The following PDE8A variants were observed in gnomAD, a reference collection of about 807,000 sequenced individuals.
The protein encoded by PDE8A is phosphodiesterase 8A.
A neutral mutation model predicts 105.0 loss-of-function variants in PDE8A; 59 were observed. That is an observed-to-expected ratio of 0.56 (90% CI 0.46 to 0.70). PDE8A has a LOEUF of 0.70. Ranked by LOEUF, PDE8A falls within the 30% of genes least tolerant of loss-of-function variation. The pLI is 0.00. For missense variants in PDE8A, 1,014 were observed against 1,045.9 expected (o/e 0.97, Z 0.42); for synonymous variants, 355 against 371.9 (o/e 0.95, Z 0.52).
At chr15:85,012,919 A>G (rs999117930) in intron 1 of PDE8A, among the ~76,000 whole-genome samples, 13 of 152,196 alleles carry the variant, frequency 8.5e-5, no homozygotes, top group Admixed American at 2.6e-4. Flanking sequence ...CTTACTTTGG[A>G]AACAAAAGAG....
chr15:85,134,001 T>TG (rs2082366091), intron 20 of PDE8A, among the ~76,000 whole-genome samples: 1 of 151,966 alleles, frequency 6.6e-6, no homozygotes, highest in African/African-American at 2.4e-5. Context: ...GCCTTGCAGG[T>TG]GGGGTCACAG....
In PDE8A at chr15:85,089,428, T is replaced by C. The variant is rs889861408; in HGVS notation, c.714+12T>C. 79 of 1,450,174 alleles carry C rather than the reference T, an allele frequency of 5.4e-5. No homozygotes were observed. The highest frequency in any genetic ancestry group is 7.3e-5 in the Non-Finnish European group (76 of 1,041,206). The allele number at this position is 1,450,174 out of a possible 1,614,324, so 89.8% of individuals were successfully genotyped here. A position where few individuals can be genotyped will look rare whatever the true frequency, so the allele number is the denominator to read the frequency against. Reference sequence around the variant, plus strand: ...ACCGTTTTATACAGGTTTGTTATTTTGGAAATCTGTCTTTCTGGATTTCTT... The same window carrying C: ...ACCGTTTTATACAGGTTTGTTATTTCGGAAATCTGTCTTTCTGGATTTCTT... On this transcript the variant is annotated intron_variant, in intron 7 of 21. Transcript: ENST00000394553.
At chr15:85,005,012 CT>C (rs961866677) in intron 1 of PDE8A, among the ~76,000 whole-genome samples, 15 of 151,996 alleles carry the variant, frequency 9.9e-5, no homozygotes, top group African/African-American at 3.4e-4. Flanking sequence ...GTTTTAGTGA[CT>C]TTTCTAAAGT....
At chr15:85,071,282 C>T (rs2081306876) in intron 3 of PDE8A, among the ~76,000 whole-genome samples, 1 of 152,208 alleles carries the variant, frequency 6.6e-6, no homozygotes, top group Admixed American at 6.5e-5. Flanking sequence ...TGGAGTTGCT[C>T]TAACCAGAGA....
At chr15:85,118,805 T>G (rs1175251946) in intron 17 of PDE8A, among the ~76,000 whole-genome samples, 1 of 152,210 alleles carries the variant, frequency 6.6e-6, no homozygotes, top group Non-Finnish European at 1.5e-5. Flanking sequence ...TGGCTGCATT[T>G]CCTCCTCTGT....
intron 3 of PDE8A, among the ~76,000 whole-genome samples, chr15:85,072,397 A>G (rs553574631): frequency 6.6e-6 from 1 of 152,270 alleles, no homozygotes; most frequent in African/African-American, 2.4e-5. Flanking sequence ...ATCCATTTCT[A>G]TTCTTTTCCT....
intron 6 of PDE8A, among the ~76,000 whole-genome samples, chr15:85,084,777 CTA>C (rs531503724): frequency 1.1e-4 from 16 of 152,202 alleles, no homozygotes; most frequent in Admixed American, 2.0e-4. Flanking sequence ...TCTTCCATCT[CTA>C]AATCTGACTG....
intron 11 of PDE8A, among the ~76,000 whole-genome samples, chr15:85,104,925 G>A (rs1161345521): frequency 6.6e-6 from 1 of 152,106 alleles, no homozygotes; most frequent in East Asian, 1.9e-4. Context: ...TCCAAACTCA[G>A]TGCAGTTGTG....
intron 5 of PDE8A, among the ~76,000 whole-genome samples, chr15:85,079,344 C>T (rs1321799347): frequency 6.6e-6 from 1 of 152,130 alleles, no homozygotes; most frequent in Non-Finnish European, 1.5e-5. Context: ...AGAATGAGCC[C>T]AAGAAGTATT....
intron 1 of PDE8A, among the ~76,000 whole-genome samples, chr15:85,059,121 G>A (rs566609407): frequency 1.3e-5 from 2 of 152,156 alleles, no homozygotes; most frequent in South Asian, 2.1e-4. Context: ...AATTTATCTT[G>A]TGTATTCTTC....
chr15:85,075,760 C>T (rs2141480839), intron 3 of PDE8A, 102 bp from the exon 4 acceptor site: 4 of 636,194 alleles, frequency 6.3e-6, no homozygotes, highest in South Asian at 4.2e-5. Flanking sequence ...TTTACTCTCC[C>T]TTCTACCCCT....
intron 1 of PDE8A, among the ~76,000 whole-genome samples, chr15:85,043,579 G>T (rs2080842998): frequency 6.6e-6 from 1 of 152,132 alleles, no homozygotes; most frequent in Non-Finnish European, 1.5e-5. Context: ...AACATTTCGG[G>T]AAAACTTACA....
chr15:84,993,187 T>TA (rs1555463150), intron 1 of PDE8A, among the ~76,000 whole-genome samples: 1 of 151,766 alleles, frequency 6.6e-6, no homozygotes, highest in African/African-American at 2.4e-5. Context: ...CTCATGCCTG[T>TA]AATCCCAGCA....
intron 11 of PDE8A, 117 bp downstream of exon 11, chr15:85,100,315 A>G (rs1050187642): frequency 1.1e-5 from 10 of 872,682 alleles, no homozygotes; most frequent in Middle Eastern, 3.2e-4. Flanking sequence ...GACTGTGGCA[A>G]CATTTCTCTC....
intron 1 of PDE8A, among the ~76,000 whole-genome samples, chr15:85,048,542 A>G (rs1418184306): frequency 6.6e-6 from 1 of 152,210 alleles, no homozygotes; most frequent in Non-Finnish European, 1.5e-5. Context: ...ACTGTAGGAC[A>G]TAAGCAAAAT....
intron 1 of PDE8A, among the ~76,000 whole-genome samples, chr15:85,002,914 C>A (rs1435516217): frequency 6.6e-6 from 1 of 152,170 alleles, no homozygotes; most frequent in Non-Finnish European, 1.5e-5. Flanking sequence ...AAAAGATAAG[C>A]TATGAGTGAG....
intron 20 of PDE8A, 114 bp from the exon 21 acceptor site, chr15:85,136,420 A>G: frequency 9.0e-7 from 1 of 1,117,208 alleles, no homozygotes; most frequent in Non-Finnish European, 1.3e-6. Context: ...TTGGCTTCTC[A>G]CCATGACAAG....
intron 12 of PDE8A, 32 bp from the exon 13 acceptor site, chr15:85,113,345 A>G: frequency 6.3e-7 from 1 of 1,591,664 alleles, no homozygotes; most frequent in Non-Finnish European, 8.6e-7. Context: ...AGAGTTGTGC[A>G]TGCCCTGATT....
At chr15:85,064,278 G>T in intron 1 of PDE8A, 92 bp from the exon 2 acceptor site, 1 of 801,422 alleles carries the variant, frequency 1.2e-6, no homozygotes, top group Non-Finnish European at 2.0e-6. Context: ...TAGAAATTTT[G>T]CTTTCATTTT....
Sources: allele counts gnomAD v4.1 joint callset (sites outside exome capture counted in the v4.1 genomes callset), GRCh38; gene constraint gnomAD v4.1.1; transcripts MANE v1.5; gene names NCBI Gene and HGNC (gene_info 2026-07-23, HGNC 2026-07-21).